The following CRK variants were observed in gnomAD, a reference collection of about 807,000 sequenced individuals.
CRK encodes the protein CRK proto-oncogene, adaptor protein.
In CRK, 4 loss-of-function variants were observed where a neutral mutation model predicts 29.8. That is an observed-to-expected ratio of 0.13 (90% confidence interval 0.07 to 0.31). The LOEUF (loss-of-function observed/expected upper bound fraction) is 0.31, where lower values mean the gene tolerates loss of function less well. Ranked by LOEUF, CRK falls within the 10% of genes least tolerant of loss-of-function variation. The probability of loss-of-function intolerance (pLI) is 1.00; values close to 1 mark genes in which losing one functional copy is unlikely to be tolerated. For synonymous variants in CRK, 153 were observed against 164.9 expected, an observed-to-expected ratio of 0.93 and a Z score of 0.55; for missense variants, 274 against 396.5, an observed-to-expected ratio of 0.69 and a Z score of 2.62.
chr17:1,444,600 G>T (rs1252890691), intron 1 of CRK, among the ~76,000 whole-genome samples: 1 of 150,692 alleles, frequency 6.6e-6, no homozygotes, highest in Non-Finnish European at 1.5e-5. Context: ...CGAAGCGGGG[G>T]GGGGGATCAC....
intron 2 of CRK, among the ~76,000 whole-genome samples, 175 bp from the exon 3 acceptor site, chr17:1,423,825 A>C (rs2073750612): frequency 6.6e-6 from 1 of 152,224 alleles, no homozygotes; most frequent in Non-Finnish European, 1.5e-5. Context: ...TGGTTAATGC[A>C]GGCAGAAGGA....
At chr17:1,425,988 G>C (rs186924121) in intron 2 of CRK, among the ~76,000 whole-genome samples, 492 of 152,234 alleles carry the variant, frequency 3.2e-3, no homozygotes, top group Non-Finnish European at 5.5e-3. Context: ...CCATGATTTT[G>C]AGAGCAGCCC....
Position 1,442,303 on chromosome 17 carries a change from C to T in CRK, c.242-5148G>A, listed in dbSNP as rs1037536612. Among the ~76,000 whole-genome samples the T allele has an allele frequency of 2.0e-5, 3 of 151,812 alleles. No homozygotes were observed. In the East Asian group the frequency reaches 5.8e-4, roughly 29 times the overall value. Reference sequence around the variant, plus strand: ...CTGAGCAACTGGGACTATAGGCGCACACCACACCTGGCCAGTTTTTGTATT... The same window carrying T: ...CTGAGCAACTGGGACTATAGGCGCATACCACACCTGGCCAGTTTTTGTATT... On this transcript the variant is annotated intron_variant, in intron 1 of 2. Transcript: ENST00000300574.
intron 2 of CRK, among the ~76,000 whole-genome samples, chr17:1,432,476 TAAAAA>T (rs59669841): frequency 5.9e-5 from 6 of 100,960 alleles, no homozygotes; most frequent in Non-Finnish European, 1.1e-4. Context: ...GACCTTGTCT[TAAAAA>T]AAAAAAAAAA....
At chr17:1,434,992 T>C (rs867111239) in intron 2 of CRK, among the ~76,000 whole-genome samples, 23 of 152,250 alleles carry the variant, frequency 1.5e-4, no homozygotes, top group African/African-American at 5.5e-4. Context: ...AGAAAGGAAA[T>C]GCAAATAGAA....
In CRK at chr17:1,421,342, G is replaced by C. The variant is rs1568004275; in HGVS notation, c.*2171C>G. On this transcript the variant is annotated 3_prime_UTR_variant, in exon 3 of 3. Coordinates refer to ENST00000300574, the MANE Select transcript of CRK (RefSeq NM_016823.4). Reference sequence around the variant, plus strand: ...CAGTTGTGACAAGGTTTTTCTACAAGTATTTTTGATGCCATACTTTCAGGA... The same window carrying C: ...CAGTTGTGACAAGGTTTTTCTACAACTATTTTTGATGCCATACTTTCAGGA... 6.6e-6 allele frequency: 1 copy of C among 152,204 alleles called. No individual in the cohort carries two copies. Among genetic ancestry groups the C allele is most frequent in the Admixed American group, 6.6e-5 (1 of 15,264 alleles). 9.4% of individuals were successfully genotyped at this position (152,204 alleles called of 1,614,324 possible).
chr17:1,427,030 C>CAAAAAAAAAAAAAAAAAA lies in CRK; in HGVS notation c.778-3398_778-3381dup, dbSNP rs562515421. 2.3e-4 allele frequency among the ~76,000 whole-genome samples: 8 copies of CAAAAAAAAAAAAAAAAAA among 35,304 alleles called. No individual in the cohort carries two copies. The East Asian group carries it at 3.9e-3, about 17-fold the overall frequency. 23.2% of individuals were successfully genotyped at this position (35,304 alleles called of 152,430 possible). On this transcript the variant is annotated intron_variant, in intron 2 of 2. Coordinates refer to ENST00000300574, the MANE Select transcript of CRK (RefSeq NM_016823.4). ...CTGGGCGACAGAGCAAAACTGTCTC[C>CAAAAAAAAAAAAAAAAAA]AAAAAAAAAAAAAAAAAAAAAAAAA...
intron 1 of CRK, among the ~76,000 whole-genome samples, chr17:1,439,579 T>C (rs922057312): frequency 2.0e-5 from 3 of 152,144 alleles, no homozygotes; most frequent in Admixed American, 6.6e-5. Flanking sequence ...CTGGGCACGG[T>C]TGCTCACATC....
At chr17:1,443,433 T>C (rs2073950355) in intron 1 of CRK, among the ~76,000 whole-genome samples, 1 of 152,184 alleles carries the variant, frequency 6.6e-6, no homozygotes, top group African/African-American at 2.4e-5. Context: ...AGTCTCACTG[T>C]TGCCCAGGAT....
intron 2 of CRK, among the ~76,000 whole-genome samples, chr17:1,429,038 G>C (rs747442173): frequency 2.8e-4 from 43 of 151,622 alleles, no homozygotes; most frequent in Non-Finnish European, 4.9e-4. Flanking sequence ...AGTAGAGATG[G>C]GGTTTCACCA....
At chr17:1,438,034 G>C (rs2073901286) in intron 1 of CRK, among the ~76,000 whole-genome samples, 1 of 152,052 alleles carries the variant, frequency 6.6e-6, no homozygotes, top group South Asian at 2.1e-4. Context: ...CTGCTGTTCA[G>C]AAGGTGGAGA....
rs1469503219 is a variant in CRK, at chr17:1,423,276, A to T, written c.*237T>A. On this transcript the variant is annotated 3_prime_UTR_variant, in exon 3 of 3. Transcript: ENST00000300574. ...ATCCCTTCTGATACACACAGGCACG[A>T]CCACTACCGCCTCCAATTGCCAATT... 3.5e-6 allele frequency: 2 copies of T among 575,536 alleles called. No homozygotes were observed. The highest frequency in any genetic ancestry group is 6.1e-6 in the Non-Finnish European group (2 of 329,224). The allele number at this position is 575,536 out of a possible 1,614,324, so 35.7% of individuals were successfully genotyped here.
At chr17:1,455,829 C>T in intron 1 of CRK, 48 bp downstream of exon 1, 2 of 1,451,772 alleles carry the variant, frequency 1.4e-6, no homozygotes, top group South Asian at 1.4e-5. Flanking sequence ...GCTGGGAGTT[C>T]CGCGGCCCTC....
chr17:1,426,976 G>A lies in CRK; in HGVS notation c.778-3326C>T, dbSNP rs2073784759. On this transcript the variant is annotated intron_variant, in intron 2 of 2. Transcript: ENST00000300574. Reference sequence around the variant, plus strand: ...GAGCCCGGGAGGCAGAGATTGCAGTGAGCCAAGATAGTACCAGTGCACTCC... The same window carrying A: ...GAGCCCGGGAGGCAGAGATTGCAGTAAGCCAAGATAGTACCAGTGCACTCC... 6.4e-5 allele frequency among the ~76,000 whole-genome samples: 9 copies of A among 140,426 alleles called. No homozygotes were observed. The South Asian group carries it at 2.1e-3, about 33-fold the overall frequency. 92.1% of individuals were successfully genotyped at this position (140,426 alleles called of 152,430 possible). A position where few individuals can be genotyped will look rare whatever the true frequency, so the allele number is the denominator to read the frequency against.
Position 1,431,939 on chromosome 17 carries a change from G to A in CRK, c.777+4681C>T, listed in dbSNP as rs532824832. ...GATTTCAAAATTCAAGTTATAAATAGGAAAGAAAAATCCTAATATGAATTA... is the reference window on the plus strand; with the variant it reads ...GATTTCAAAATTCAAGTTATAAATAAGAAAGAAAAATCCTAATATGAATTA... On this transcript the variant is annotated intron_variant, in intron 2 of 2. Transcript: ENST00000300574. Among the ~76,000 whole-genome samples, 5 of 152,152 alleles carry A rather than the reference G, an allele frequency of 3.3e-5. No homozygotes were observed. The South Asian group carries it at 1.0e-3, about 32-fold the overall frequency.
chr17:1,422,773 A>T lies in CRK; in HGVS notation c.*740T>A. The T allele has an allele frequency of 2.5e-6, 1 of 396,520 alleles. No individual in the cohort carries two copies. The highest frequency in any genetic ancestry group is 4.4e-5 in the Admixed American group (1 of 22,660). 24.6% of individuals were successfully genotyped at this position (396,520 alleles called of 1,614,324 possible). On this transcript the variant is annotated 3_prime_UTR_variant, in exon 3 of 3. Transcript: ENST00000300574. ...CAGAGAGCTGGGAGACTGGCTGTCC[A>T]CTTAGTGAATCCAACACTGGCTTAA...
chr17:1,439,877 G>GCC (rs1303730482), intron 1 of CRK, among the ~76,000 whole-genome samples: 1 of 152,014 alleles, frequency 6.6e-6, no homozygotes, highest in African/African-American at 2.4e-5. Context: ...ATTTTGTTGG[G>GCC]CGTGGTGCCT....
intron 1 of CRK, among the ~76,000 whole-genome samples, chr17:1,440,964 G>A (rs1200230008): frequency 6.6e-6 from 1 of 152,180 alleles, no homozygotes; most frequent in African/African-American, 2.4e-5. Context: ...TCTTGTGACA[G>A]AGTGGTCTGG....
intron 2 of CRK, among the ~76,000 whole-genome samples, chr17:1,431,310 C>T (rs1006645133): frequency 1.3e-5 from 2 of 152,108 alleles, no homozygotes; most frequent in African/African-American, 4.8e-5. Context: ...GTGGGGCATT[C>T]TAAGAACATT....
Sources: gnomAD v4.1 joint callset for allele counts (sites outside exome capture counted in the v4.1 genomes callset) on GRCh38, gnomAD v4.1.1 for gene constraint, MANE v1.5 for transcripts, NCBI Gene and HGNC (gene_info 2026-07-23, HGNC 2026-07-21) for gene names.